The following HK2 variants were observed in gnomAD, a reference collection of about 807,000 sequenced individuals.
The protein encoded by HK2 is hexokinase 2.
In HK2, 42 loss-of-function variants were observed where a neutral mutation model predicts 92.9. That is an observed-to-expected ratio of 0.45 (90% confidence interval 0.35 to 0.58). The LOEUF is 0.58. Among genes scored for constraint, HK2 ranks in the 20% least tolerant of loss-of-function variants. The probability of loss-of-function intolerance (pLI) is 0.00; values close to 1 mark genes in which losing one functional copy is unlikely to be tolerated. For missense variants in HK2, 978 were observed against 1,245.1 expected (o/e 0.79, Z 3.23); for synonymous variants, 422 against 468.0 (o/e 0.90, Z 1.27).
intron 13 of HK2, among the ~76,000 whole-genome samples, chr2:74,885,850 A>ACACACG (rs2104009162): frequency 7.6e-6 from 1 of 130,980 alleles, no homozygotes; most frequent in African/African-American, 2.9e-5. Context: ...TGTGAAACAC[A>ACACACG]CACACACACA....
intron 16 of HK2, 122 bp downstream of exon 16, chr2:74,888,180 C>G: frequency 1.0e-6 from 1 of 997,940 alleles, no homozygotes; most frequent in Non-Finnish European, 1.6e-6. Flanking sequence ...GTGGCAAACA[C>G]ATTCATGTCT....
intron 2 of HK2, among the ~76,000 whole-genome samples, chr2:74,863,549 G>A (rs906919676): frequency 2.0e-5 from 3 of 152,190 alleles, no homozygotes; most frequent in East Asian, 1.9e-4. Context: ...TGATCATGGC[G>A]ATTCCGGGTA....
intron 1 of HK2, among the ~76,000 whole-genome samples, chr2:74,849,897 A>G (rs1319689414): frequency 1.3e-5 from 2 of 152,178 alleles, no homozygotes; most frequent in Non-Finnish European, 2.9e-5. Context: ...CACTCCTTTC[A>G]CCACCACCAG....
chr2:74,889,500 C>T (rs4853069), intron 17 of HK2, 22 bp downstream of exon 17: 836,448 of 1,450,490 alleles, frequency 0.58, 244,783 homozygotes, highest in African/African-American at 0.87. Flanking sequence ...ATCCCAGCCC[C>T]CCCTGCCTAC....
At chr2:74,849,710 G>T (rs907408408) in intron 1 of HK2, among the ~76,000 whole-genome samples, 1 of 152,202 alleles carries the variant, frequency 6.6e-6, no homozygotes, top group Non-Finnish European at 1.5e-5. Context: ...GGAAGGAAAG[G>T]GGGGGTGATA....
At chr2:74,845,971 C>T (rs909648304) in intron 1 of HK2, among the ~76,000 whole-genome samples, 3 of 152,234 alleles carry the variant, frequency 2.0e-5, no homozygotes, top group African/African-American at 4.8e-5. Context: ...AGTTGCTTGG[C>T]TTTCCCAGGG....
rs76319740 is a variant in HK2, at chr2:74,873,381, G to T, written c.591+10G>T. ...CATCCAGAGGAGAGGGGTGAGTGGGGTGGCAGGAGCTTGGGGTCTGTGGGC... is the reference window on the plus strand; with the variant it reads ...CATCCAGAGGAGAGGGGTGAGTGGGTTGGCAGGAGCTTGGGGTCTGTGGGC... On this transcript the variant is annotated intron_variant, in intron 5 of 17. Transcript: ENST00000290573. The T allele has an allele frequency of 4.4e-6, 7 of 1,604,132 alleles. No individual in the cohort carries two copies. In the East Asian group the frequency reaches 6.7e-5, roughly 15 times the overall value.
chr2:74,854,953 T>G (rs1688661037), intron 2 of HK2, among the ~76,000 whole-genome samples: 2 of 152,194 alleles, frequency 1.3e-5, no homozygotes, highest in Non-Finnish European at 2.9e-5. Flanking sequence ...TAAAAAGTAC[T>G]AGAAATCCAA....
At chr2:74,872,184 A>G in intron 3 of HK2, 116 bp from the exon 4 acceptor site, 1 of 990,694 alleles carries the variant, frequency 1.0e-6, no homozygotes, top group Non-Finnish European at 1.6e-6. Flanking sequence ...AAGATATCAG[A>G]GGAGATATGG....
chr2:74,864,941 C>T (rs1049406317), intron 2 of HK2, among the ~76,000 whole-genome samples: 1 of 152,246 alleles, frequency 6.6e-6, no homozygotes, highest in African/African-American at 2.4e-5. Context: ...GATGTGCCCA[C>T]ACCACACAGG....
chr2:74,853,518 A>AAACAACAACAACAACAAC (rs146960066), intron 1 of HK2, among the ~76,000 whole-genome samples: 1 of 143,370 alleles, frequency 7.0e-6, no homozygotes, highest in Non-Finnish European at 1.5e-5. Flanking sequence ...CTCAGCCTCA[A>AAACAACAACAACAACAAC]AACAACAACA....
At chr2:74,861,662 A>G (rs532861474) in intron 2 of HK2, among the ~76,000 whole-genome samples, 1 of 152,334 alleles carries the variant, frequency 6.6e-6, no homozygotes, top group South Asian at 2.1e-4. Flanking sequence ...CATAAGATTC[A>G]CAGTTTACAT....
At position 74,881,829 on chromosome 2, in the gene HK2, G is replaced by T. The variant is rs769749367; in HGVS notation, c.1689G>T (p.Pro563=). The change falls in exon 11 of 18, where the codon CCG becomes CCT. Residue 563 remains proline, a synonymous_variant. Transcript: ENST00000290573. The part of the protein sequence containing the change: ...VEMHNKIYAI[P]QEVMHGTGDE... Reference sequence around the variant, plus strand: ...TGCACAACAAGATCTACGCCATCCCGCAGGAGGTCATGCACGGCACCGGGG... The same window carrying T: ...TGCACAACAAGATCTACGCCATCCCTCAGGAGGTCATGCACGGCACCGGGG... The T allele has an allele frequency of 1.9e-6, 3 of 1,614,156 alleles. No individual in the cohort carries two copies. The highest frequency in any genetic ancestry group is 1.7e-5 in the Admixed American group (1 of 60,018).
chr2:74,854,495 CAG>C, intron 2 of HK2, 40 bp downstream of exon 2: 1 of 1,611,534 alleles, frequency 6.2e-7, no homozygotes, highest in Non-Finnish European at 8.5e-7. Context: ...CTGCGTTACT[CAG>C]GGGTGATTTA....
intron 7 of HK2, 28 bp from the exon 8 acceptor site, chr2:74,877,138 T>C (rs200191687): frequency 7.1e-5 from 114 of 1,612,974 alleles, no homozygotes; most frequent in Non-Finnish European, 8.7e-5. Context: ...GTGGGGACTT[T>C]ATGTTTTTGG....
At chr2:74,887,781 A>G (rs1311446382) in intron 15 of HK2, 122 bp from the exon 16 acceptor site, 2 of 872,968 alleles carry the variant, frequency 2.3e-6, no homozygotes, top group Non-Finnish European at 3.9e-6. Flanking sequence ...TTCCTTTCCC[A>G]TCAGGGGAGT....
intron 2 of HK2, among the ~76,000 whole-genome samples, chr2:74,861,610 T>C (rs1417310651): frequency 6.6e-6 from 1 of 152,186 alleles, no homozygotes; most frequent in Non-Finnish European, 1.5e-5. Context: ...GGGCAGATGG[T>C]GACAGTTGGG....
intron 1 of HK2, among the ~76,000 whole-genome samples, chr2:74,840,341 T>C (rs1173076036): frequency 2.6e-5 from 4 of 151,828 alleles, no homozygotes; most frequent in Non-Finnish European, 5.9e-5. Context: ...GGAGGTCCTT[T>C]TCCAAGGGGG....
In HK2 at chr2:74,881,850, C is replaced by G; in HGVS notation, c.1710C>G (p.Thr570=). The change falls in exon 11 of 18, where the codon ACC becomes ACG. Residue 570 remains threonine, a synonymous_variant. Transcript: ENST00000290573. ...TCCCGCAGGAGGTCATGCACGGCACCGGGGACGAGGTGAGCAGGGCGGCGC... is the reference window on the plus strand; with the variant it reads ...TCCCGCAGGAGGTCATGCACGGCACGGGGGACGAGGTGAGCAGGGCGGCGC... ...YAIPQEVMHG[T]GDELFDHIVQ... 6.2e-7 allele frequency: 1 copy of G among 1,614,146 alleles called. No homozygotes were observed. Among genetic ancestry groups the G allele is most frequent in the Non-Finnish European group, 8.5e-7 (1 of 1,180,014 alleles).
Sources: allele counts gnomAD v4.1 joint callset (sites outside exome capture counted in the v4.1 genomes callset), GRCh38; gene constraint gnomAD v4.1.1; transcripts MANE v1.5; gene names NCBI Gene and HGNC (gene_info 2026-07-23, HGNC 2026-07-21).